ATP11A: variants seen among roughly 807,000 people sequenced by gnomAD.
ATP11A encodes phospholipid-transporting ATPase IH.
ATP11A carries 81 observed loss-of-function variants against 154.4 expected under a neutral mutation model. That is an observed-to-expected ratio of 0.52 (90% CI 0.44 to 0.63). The LOEUF is 0.63. Among genes scored for constraint, ATP11A ranks in the 30% least tolerant of loss-of-function variants. ATP11A has a pLI of 0.00. For missense variants in ATP11A, 1,316 were observed against 1,474.3 expected (o/e 0.89, Z 1.76); for synonymous variants, 623 against 585.9 (o/e 1.06, Z -0.91).
Position 112,860,407 on chromosome 13 carries a change from C to T in ATP11A, c.2848C>T (p.Leu950=). The T allele has an allele frequency of 6.2e-7, 1 of 1,614,140 alleles. No homozygotes were observed. The part of the protein sequence containing the change: ...GIDVLKRDPT[L]YRDVAKNALL... Reference sequence around the variant, plus strand: ...TGACGTGCTCAAGAGAGACCCGACCCTGTACAGGTACCATCCTCCAAACAG... The same window carrying T: ...TGACGTGCTCAAGAGAGACCCGACCTTGTACAGGTACCATCCTCCAAACAG... The change falls in exon 24 of 30, where the codon CTG becomes TTG. Residue 950 remains leucine, a synonymous_variant. Coordinates refer to ENST00000375645, the MANE Select transcript of ATP11A (RefSeq NM_015205.3).
intron 7 of ATP11A, 86 bp from the exon 8 acceptor site, chr13:112,819,814 G>A (rs879544899): frequency 5.6e-6 from 8 of 1,423,902 alleles, no homozygotes; most frequent in Non-Finnish European, 7.9e-6. Flanking sequence ...AAGACGTGTG[G>A]CTCACAGAAG....
chr13:112,838,422 G>A lies in ATP11A; in HGVS notation c.1705+2171G>A, dbSNP rs746358319. ...AGCAGTCGAATCTAGCTGTTGAGCC[G>A]TGGCTGGAACATGCTGCCCGTGACC... On this transcript the variant is annotated intron_variant, in intron 16 of 29. Coordinates refer to ENST00000375645, the MANE Select transcript of ATP11A (RefSeq NM_015205.3). This position sits in a 1 kb window ranked among gnomAD's most constrained non-coding sequence, Gnocchi z 7.3. Among the ~76,000 whole-genome samples, 1 of 151,208 alleles carries A rather than the reference G, an allele frequency of 6.6e-6. No individual in the cohort carries two copies. The highest frequency in any genetic ancestry group is 6.6e-5 in the Admixed American group (1 of 15,168).
At chr13:112,873,744 T>C in intron 27 of ATP11A, 68 bp downstream of exon 27, 1 of 1,473,928 alleles carries the variant, frequency 6.8e-7, no homozygotes. Flanking sequence ...TATCAAGGGT[T>C]GAAGACACAT....
At chr13:112,819,990 C>T in intron 8 of ATP11A, 40 bp downstream of exon 8, 1 of 1,529,080 alleles carries the variant, frequency 6.5e-7, no homozygotes, top group Non-Finnish European at 8.8e-7. Flanking sequence ...GGTCACCTCC[C>T]TTGTTGCGTT....
chr13:112,862,638 T>G, intron 25 of ATP11A, 63 bp downstream of exon 25: 1 of 1,605,942 alleles, frequency 6.2e-7, no homozygotes, highest in Non-Finnish European at 8.5e-7. Context: ...CAAGCCCATA[T>G]GATGATTTTG....
At chr13:112,772,106 T>A (rs186427754) in intron 1 of ATP11A, among the ~76,000 whole-genome samples, 75 of 152,364 alleles carry the variant, frequency 4.9e-4, no homozygotes, top group Middle Eastern at 3.4e-3. Context: ...CTATTTTTTT[T>A]AATTTGTTTA....
At chr13:112,856,405 A>G (rs1332281853) in intron 20 of ATP11A, 2 of 197,604 alleles carry the variant, frequency 1.0e-5, no homozygotes, top group African/African-American at 4.7e-5. Flanking sequence ...TAAAGGTGTA[A>G]GGGAAGGGAG....
intron 1 of ATP11A, among the ~76,000 whole-genome samples, chr13:112,709,659 G>A (rs1887520888): frequency 6.6e-6 from 1 of 152,224 alleles, no homozygotes; most frequent in East Asian, 1.9e-4. Flanking sequence ...TTTACCTATA[G>A]CCTGGAAGCC....
At chr13:112,760,669 A>G (rs553850077) in intron 1 of ATP11A, among the ~76,000 whole-genome samples, 1 of 152,334 alleles carries the variant, frequency 6.6e-6, no homozygotes, top group East Asian at 1.9e-4. Flanking sequence ...CCCATGCACC[A>G]GGTCATGTTT....
intron 28 of ATP11A, among the ~76,000 whole-genome samples, chr13:112,877,771 A>T (rs1313345838): frequency 6.6e-6 from 1 of 152,200 alleles, no homozygotes; most frequent in East Asian, 1.9e-4. Flanking sequence ...CGCAGCCTCC[A>T]GAGTCGGGGC....
rs538458696 is a variant in ATP11A, at chr13:112,764,904, G to T, written c.40-20231G>T. Among the ~76,000 whole-genome samples, 77 of 152,264 alleles carry T rather than the reference G, an allele frequency of 5.1e-4. No homozygotes were observed. The South Asian group carries it at 5.2e-3, about 10-fold the overall frequency. Reference sequence around the variant, plus strand: ...AGCCAACCTCTTTCCTTAGCTCAGGGCGCTACCAGTCTGGGCTGGTAGAAG... The same window carrying T: ...AGCCAACCTCTTTCCTTAGCTCAGGTCGCTACCAGTCTGGGCTGGTAGAAG... On this transcript the variant is annotated intron_variant, in intron 1 of 29. Coordinates refer to ENST00000375645, the MANE Select transcript of ATP11A (RefSeq NM_015205.3).
Position 112,884,144 on chromosome 13 carries a change from T to A in ATP11A, c.*2278T>A, listed in dbSNP as rs1594275745. 1 of 152,590 alleles carries A rather than the reference T, an allele frequency of 6.6e-6. No homozygotes were observed. Among genetic ancestry groups the A allele is most frequent in the Non-Finnish European group, 1.5e-5 (1 of 68,048 alleles). 9.5% of individuals were successfully genotyped at this position (152,590 alleles called of 1,614,324 possible). ...GATGAATGCGAATTTTCAGATTTGA[T>A]TTTATTCTCTACACACACCTCTTCT... On this transcript the variant is annotated 3_prime_UTR_variant, in exon 30 of 30. Transcript: ENST00000375645.
chr13:112,813,152 T>A (rs2078550034), intron 5 of ATP11A, among the ~76,000 whole-genome samples: 1 of 152,228 alleles, frequency 6.6e-6, no homozygotes, highest in Admixed American at 6.5e-5. Context: ...TCGGTCGTAA[T>A]GGCTCAGGCC....
intron 12 of ATP11A, among the ~76,000 whole-genome samples, chr13:112,830,902 C>G: frequency 6.6e-6 from 1 of 152,314 alleles, no homozygotes; most frequent in East Asian, 1.9e-4. Context: ...ACCTTCTCAA[C>G]CTTACATGGT....
rs1334271441 is a variant in ATP11A at position 112,875,724 on chromosome 13, C to A, written c.3162-52C>A. The A allele has an allele frequency of 6.3e-7, 1 of 1,579,282 alleles. No homozygotes were observed. The highest frequency in any genetic ancestry group is 8.6e-7 in the Non-Finnish European group (1 of 1,156,284). On this transcript the variant is annotated intron_variant, in intron 27 of 29. Coordinates refer to ENST00000375645, the MANE Select transcript of ATP11A (RefSeq NM_015205.3). This position sits in a 1 kb window ranked among gnomAD's most constrained non-coding sequence, Gnocchi z 4.1. ...CGGCCTCTCCAGTGAGTAGAGAGGC[C>A]AGCCCCAGGGAGTACATGCCTCACC...
At chr13:112,792,897 A>C (rs447590) in intron 2 of ATP11A, among the ~76,000 whole-genome samples, 80,665 of 152,076 alleles carry the variant, frequency 0.53, 22,603 homozygotes, top group African/African-American at 0.72. Flanking sequence ...GTTGGCTTAG[A>C]CTATACTGTC....
intron 2 of ATP11A, among the ~76,000 whole-genome samples, chr13:112,800,262 C>G (rs1681651633): frequency 6.7e-6 from 1 of 149,962 alleles, no homozygotes; most frequent in Admixed American, 6.6e-5. Flanking sequence ...CCAGGCTAAA[C>G]AAGAGGAAAA....
chr13:112,865,317 A>AG (rs2080290920), intron 25 of ATP11A, among the ~76,000 whole-genome samples: 1 of 143,476 alleles, frequency 7.0e-6, no homozygotes, highest in Non-Finnish European at 1.5e-5. Context: ...AATTCAGTGC[A>AG]GCCCGTGCAG....
Position 112,882,223 on chromosome 13 carries a change from G to A in ATP11A, c.*357G>A. On this transcript the variant is annotated 3_prime_UTR_variant, in exon 30 of 30. Coordinates refer to ENST00000375645, the MANE Select transcript of ATP11A (RefSeq NM_015205.3). The surrounding 1 kb of genome is among the most constrained non-coding windows in gnomAD (Gnocchi z 5.1). ...CACACCAGTGGCCTCTGGGCATTCG[G>A]CTCAACGCAGGAGGGACATTCTGCT... The A allele has an allele frequency of 1.1e-6, 1 of 930,930 alleles. No homozygotes were observed. The highest frequency in any genetic ancestry group is 1.5e-6 in the Non-Finnish European group (1 of 679,472). The allele number at this position is 930,930 out of a possible 1,614,324, so 57.7% of individuals were successfully genotyped here.
Sources: gnomAD v4.1 joint callset for allele counts (sites outside exome capture counted in the v4.1 genomes callset) on GRCh38, gnomAD v4.1.1 for gene constraint, Gnocchi (gnomAD v3.1) non-coding constraint, MANE v1.5 for transcripts, NCBI Gene and HGNC (gene_info 2026-07-23, HGNC 2026-07-21) for gene names.